GRM7: variants seen among roughly 807,000 people sequenced by gnomAD.
GRM7 encodes glutamate metabotropic receptor 7, also known as metabotropic glutamate receptor 7.
Under a neutral mutation model 84.5 loss-of-function variants are expected in GRM7, and 35 were observed. The ratio of observed to expected loss-of-function variants is 0.41; its 90% CI spans 0.32 to 0.55. GRM7 has a LOEUF of 0.55. Among genes scored for constraint, GRM7 ranks in the 20% least tolerant of loss-of-function variants. The pLI is 0.19. For missense variants in GRM7, 1,003 were observed against 1,194.6 expected, an observed-to-expected ratio of 0.84 and a Z score of 2.36; for synonymous variants, 487 against 455.1, an observed-to-expected ratio of 1.07 and a Z score of -0.89.
chr3:6,916,726 A>G (rs1696954147), intron 1 of GRM7, among the ~76,000 whole-genome samples: 1 of 152,186 alleles, frequency 6.6e-6, no homozygotes, highest in South Asian at 2.1e-4. Context: ...TGGACTGGTG[A>G]TTCGATTTCG....
intron 4 of GRM7, among the ~76,000 whole-genome samples, chr3:7,357,032 GTATAATA>G (rs1263019218): frequency 1.4e-5 from 2 of 147,212 alleles, no homozygotes; most frequent in Admixed American, 1.4e-4. Context: ...GATATAAATT[GTATAATA>G]TATATGTTCA....
intron 8 of GRM7, among the ~76,000 whole-genome samples, chr3:7,661,572 A>T (rs1012134806): frequency 1.3e-5 from 2 of 152,068 alleles, no homozygotes; most frequent in African/African-American, 4.8e-5. Context: ...TGGCAGGCAG[A>T]TCACGAGGTC....
chr3:7,443,750 A>G (rs376303899), intron 5 of GRM7, among the ~76,000 whole-genome samples: 1 of 152,164 alleles, frequency 6.6e-6, no homozygotes, highest in Non-Finnish European at 1.5e-5. Context: ...TAGAAAACAC[A>G]TAGAATCTGT....
intron 1 of GRM7, among the ~76,000 whole-genome samples, chr3:6,866,623 T>A (rs1694945965): frequency 6.6e-6 from 1 of 152,204 alleles, no homozygotes; most frequent in Non-Finnish European, 1.5e-5. Context: ...GTCAGCTTAC[T>A]GAATGATCAT....
intron 1 of GRM7, among the ~76,000 whole-genome samples, chr3:7,062,100 C>T (rs930978541): frequency 7.9e-5 from 12 of 151,432 alleles, no homozygotes; most frequent in African/African-American, 1.9e-4. Context: ...AAGCCCACTC[C>T]GCTAGAAACT....
At position 7,360,815 on chromosome 3, in the gene GRM7, A is replaced by C. The variant is rs1380537063; in HGVS notation, c.1033+54163A>C. ...AAGCGTAGCATACTGAGTTGAACTA[A>C]ATCATTAGTCCCCACAAGTTTGATC... On this transcript the variant is annotated intron_variant, in intron 4 of 9. Coordinates refer to ENST00000357716, the MANE Select transcript of GRM7 (RefSeq NM_000844.4). Among the ~76,000 whole-genome samples the C allele has an allele frequency of 2.6e-5, 4 of 152,098 alleles. No individual in the cohort carries two copies. The East Asian group carries it at 7.7e-4, about 29-fold the overall frequency.
intron 2 of GRM7, among the ~76,000 whole-genome samples, chr3:7,262,963 C>G (rs1286221478): frequency 2.0e-5 from 3 of 152,162 alleles, no homozygotes; most frequent in African/African-American, 7.2e-5. Context: ...TCTCAAAATG[C>G]TAGAATTACA....
intron 1 of GRM7, among the ~76,000 whole-genome samples, chr3:7,133,076 G>A (rs959409036): frequency 1.3e-5 from 2 of 152,100 alleles, no homozygotes; most frequent in African/African-American, 2.4e-5. Context: ...CTGTGTCCAT[G>A]TAACGGACTC....
intron 1 of GRM7, among the ~76,000 whole-genome samples, chr3:6,921,785 G>C (rs1258865353): frequency 1.3e-5 from 2 of 152,068 alleles, no homozygotes; most frequent in Non-Finnish European, 2.9e-5. Context: ...GCTTGGCCCT[G>C]TTATCTCATT....
At chr3:6,887,555 T>C (rs1695747831) in intron 1 of GRM7, among the ~76,000 whole-genome samples, 1 of 152,224 alleles carries the variant, frequency 6.6e-6, no homozygotes, top group South Asian at 2.1e-4. Context: ...ACAAAGGACA[T>C]GAACTCATCA....
At chr3:7,723,208 G>GT (rs1400092832) in intron 9 of GRM7, among the ~76,000 whole-genome samples, 1 of 151,976 alleles carries the variant, frequency 6.6e-6, no homozygotes, top group African/African-American at 2.4e-5. Context: ...CCATTATCAT[G>GT]TCCAACCTAA....
intron 2 of GRM7, among the ~76,000 whole-genome samples, chr3:7,253,091 G>T (rs1698064836): frequency 6.8e-6 from 1 of 146,164 alleles, no homozygotes; most frequent in African/African-American, 2.5e-5. Context: ...AGGAGCTACA[G>T]TTGAGGGGTA....
At chr3:7,581,807 TTC>T (rs1287670794) in intron 8 of GRM7, among the ~76,000 whole-genome samples, 1 of 152,156 alleles carries the variant, frequency 6.6e-6, no homozygotes, top group Non-Finnish European at 1.5e-5. Context: ...CTGTAAAAAT[TTC>T]TGTCAAATTC....
At chr3:7,457,266 G>A (rs527424042) in intron 6 of GRM7, among the ~76,000 whole-genome samples, 31 of 152,098 alleles carry the variant, frequency 2.0e-4, no homozygotes, top group East Asian at 7.7e-4. Flanking sequence ...TGATAATATC[G>A]TACCCTAAAG....
intron 7 of GRM7, among the ~76,000 whole-genome samples, chr3:7,550,175 G>C (rs939520414): frequency 6.6e-6 from 1 of 151,436 alleles, no homozygotes; most frequent in Non-Finnish European, 1.5e-5. Flanking sequence ...TTAAGAATTG[G>C]GTAACTGCCC....
intron 8 of GRM7, among the ~76,000 whole-genome samples, chr3:7,622,590 G>A (rs1697410995): frequency 6.6e-6 from 1 of 152,016 alleles, no homozygotes; most frequent in African/African-American, 2.4e-5. Flanking sequence ...AGAGAATACG[G>A]TGGAATTGAC....
At chr3:7,295,079 C>A (rs1292244380) in intron 2 of GRM7, among the ~76,000 whole-genome samples, 1 of 152,134 alleles carries the variant, frequency 6.6e-6, no homozygotes, top group East Asian at 1.9e-4. Context: ...AAACTCATTG[C>A]CAAACCCAAG....
At chr3:7,294,851 C>A (rs190303249) in intron 2 of GRM7, among the ~76,000 whole-genome samples, 45 of 152,308 alleles carry the variant, frequency 3.0e-4, no homozygotes, top group Non-Finnish European at 5.4e-4. Context: ...GAATTCAGAT[C>A]TTTTCTGTTT....
intron 1 of GRM7, among the ~76,000 whole-genome samples, chr3:7,103,258 T>A (rs1409842784): frequency 3.3e-5 from 5 of 151,906 alleles, no homozygotes; most frequent in Non-Finnish European, 5.9e-5. Flanking sequence ...TTCATGCATT[T>A]TTTCTGTCTT....
Sources: allele counts gnomAD v4.1 joint callset (sites outside exome capture counted in the v4.1 genomes callset), GRCh38; gene constraint gnomAD v4.1.1; transcripts MANE v1.5; gene names NCBI Gene and HGNC (gene_info 2026-07-23, HGNC 2026-07-21).